Variants in MROH7 observed in about 807,000 individuals in gnomAD.
MROH7 encodes maestro heat like repeat family member 7.
A neutral mutation model predicts 129.2 loss-of-function variants in MROH7; 113 were observed. The observed-to-expected ratio is 0.87, with a 90% CI of 0.75 to 1.02. The LOEUF (loss-of-function observed/expected upper bound fraction) is 1.02. Ranked by LOEUF, MROH7 falls within the 50% of genes least tolerant of loss-of-function variation. The probability of loss-of-function intolerance (pLI) is 0.00; values close to 1 mark genes in which losing one functional copy is unlikely to be tolerated. For missense variants in MROH7, 1,601 were observed against 1,671.3 expected (o/e 0.96, Z 0.73); for synonymous variants, 655 against 667.9 (o/e 0.98, Z 0.30).
intron 12 of MROH7, 27 bp from the exon 13 acceptor site, chr1:54,679,864 C>A: frequency 6.3e-7 from 1 of 1,594,936 alleles, no homozygotes; most frequent in East Asian, 2.2e-5. Flanking sequence ...AGTCCCCTTG[C>A]TCATGGCTGC....
intron 13 of MROH7, among the ~76,000 whole-genome samples, chr1:54,682,331 A>AT (rs985364861): frequency 6.6e-6 from 1 of 151,206 alleles, no homozygotes; most frequent in African/African-American, 2.4e-5. Context: ...TGCCCAGCTA[A>AT]TTTTTTTTGT....
chr1:54,663,964 C>T (rs997992795), intron 3 of MROH7: 1 of 331,010 alleles, frequency 3.0e-6, no homozygotes, highest in Non-Finnish European at 5.9e-6. Context: ...TTTCATAGGC[C>T]CCAGTGACCT....
chr1:54,653,871 T>C lies in MROH7; in HGVS notation c.945T>C (p.His315=). 6.2e-7 allele frequency: 1 copy of C among 1,614,022 alleles called. No individual in the cohort carries two copies. Among genetic ancestry groups the C allele is most frequent in the Non-Finnish European group, 8.5e-7 (1 of 1,179,936 alleles). ...GTATCAGCCTGCACTCCAGCACCCATGAGCCCAACTCCACCATCTCTCCAC... is the reference window on the plus strand; with the variant it reads ...GTATCAGCCTGCACTCCAGCACCCACGAGCCCAACTCCACCATCTCTCCAC... ...SYGISLHSST[H]EPNSTISPPS... is the part of the protein sequence containing the mutation. Residue 315 remains histidine, a synonymous_variant, in exon 3 of 24, where the codon CAT becomes CAC. Coordinates refer to ENST00000421030, the MANE Select transcript of MROH7 (RefSeq NM_001039464.4).
Position 54,653,044 on chromosome 1 carries a change from GAC to G in MROH7, c.120_121del (p.Met41GlyfsTer21), listed in dbSNP as rs1644581825. ...TGGTACCATCCCTCAGCCCCACCCAGACATGGCTCAGGTGCCTATGTTGAATC... is the reference window on the plus strand; with the variant it reads ...TGGTACCATCCCTCAGCCCCACCCAGATGGCTCAGGTGCCTATGTTGAATC... ...GSGTIPQPHP[D>X]MAQVPMLNLL... On this transcript the variant is annotated frameshift_variant, in exon 3 of 24. Transcript: ENST00000421030. LOFTEE classifies it high-confidence loss of function. The G allele has an allele frequency of 6.2e-7, 1 of 1,614,056 alleles. No homozygotes were observed. Among genetic ancestry groups the G allele is most frequent in the African/African-American group, 1.3e-5 (1 of 74,926 alleles).
At position 54,700,429 on chromosome 1, in the gene MROH7, G is replaced by T; in HGVS notation, c.3073G>T (p.Gly1025Cys). 1 of 1,609,012 alleles carries T rather than the reference G, an allele frequency of 6.2e-7. No individual in the cohort carries two copies. The highest frequency in any genetic ancestry group is 1.1e-5 in the South Asian group (1 of 90,228). The part of the protein sequence containing the change: ...DPIMKVLSIR[G>C]LVILARRSEK... ...CATCATGAAGGTGCTGTCCATTCGA[G>T]GCCTGGTCATCCTGGCCCGCAGGTC... Residue 1025 changes from glycine to cysteine, a missense_variant, in exon 18 of 24, where the codon GGC becomes TGC. Transcript: ENST00000421030.
At chr1:54,694,871 T>C (rs1645295843) in intron 16 of MROH7, among the ~76,000 whole-genome samples, 1 of 152,214 alleles carries the variant, frequency 6.6e-6, no homozygotes, top group South Asian at 2.1e-4. Flanking sequence ...GCAGCTGGAA[T>C]GTGAGCCCTC....
chr1:54,706,288 G>T, intron 21 of MROH7, 147 bp from the exon 22 acceptor site: 1 of 644,258 alleles, frequency 1.6e-6, no homozygotes, highest in South Asian at 1.9e-5. Context: ...GAGGAGATAA[G>T]CCCTGGCCTG....
intron 15 of MROH7, among the ~76,000 whole-genome samples, 194 bp downstream of exon 15, chr1:54,686,642 T>C (rs1381606221): frequency 6.6e-6 from 1 of 152,238 alleles, no homozygotes; most frequent in Non-Finnish European, 1.5e-5. Context: ...CTCTGTGCAT[T>C]ACACACTGTG....
At chr1:54,661,832 G>A (rs1644737034) in intron 3 of MROH7, among the ~76,000 whole-genome samples, 1 of 152,094 alleles carries the variant, frequency 6.6e-6, no homozygotes, top group Non-Finnish European at 1.5e-5. Context: ...CTGACCTCAG[G>A]TGACCCACCT....
At chr1:54,683,284 C>T (rs765931430) in intron 14 of MROH7, among the ~76,000 whole-genome samples, 1 of 152,134 alleles carries the variant, frequency 6.6e-6, no homozygotes, top group Admixed American at 6.5e-5. Flanking sequence ...TCTCATATGG[C>T]GGCTGTGAAG....
chr1:54,679,421 C>T lies in MROH7; in HGVS notation c.2208C>T (p.Arg736=). 2.5e-6 allele frequency: 4 copies of T among 1,613,614 alleles called. No individual in the cohort carries two copies. The highest frequency in any genetic ancestry group is 2.5e-6 in the Non-Finnish European group (3 of 1,179,776). ...TCAGCTCGGTGCTGGAGTGGTACCG[C>T]CACAGGGCGCTGGAGGTGGTAAGGC... ...VMLSSVLEWY[R]HRALEVIPEI... Residue 736 remains arginine (R), a synonymous_variant, in exon 12 of 24, where the codon CGC becomes CGT. Transcript: ENST00000421030.
In MROH7 at chr1:54,709,010, C is replaced by G; in HGVS notation, c.3668-4C>G. 6.2e-7 allele frequency: 1 copy of G among 1,614,168 alleles called. No individual in the cohort carries two copies. Among genetic ancestry groups the G allele is most frequent in the Non-Finnish European group, 8.5e-7 (1 of 1,179,994 alleles). ...ATGCCCTCACTTCTTGGATTACGCTCAAGGGTCCCTGGTCCCCTGCATGGA... is the reference window on the plus strand; with the variant it reads ...ATGCCCTCACTTCTTGGATTACGCTGAAGGGTCCCTGGTCCCCTGCATGGA... On this transcript the variant is annotated splice_region_variant and splice_polypyrimidine_tract_variant and intron_variant, in intron 22 of 23. Transcript: ENST00000421030.
intron 13 of MROH7, among the ~76,000 whole-genome samples, chr1:54,680,758 C>T (rs1365983905): frequency 6.6e-6 from 1 of 152,236 alleles, no homozygotes; most frequent in Non-Finnish European, 1.5e-5. Context: ...GAGTGATCCA[C>T]ACCTTCGGGT....
intron 3 of MROH7, among the ~76,000 whole-genome samples, chr1:54,661,540 A>G (rs1325533547): frequency 2.0e-5 from 3 of 151,686 alleles, no homozygotes; most frequent in Admixed American, 6.6e-5. Context: ...TGTGCTTAGA[A>G]CAGTACTGGT....
intron 3 of MROH7, 134 bp downstream of exon 3, chr1:54,654,291 A>G: frequency 2.2e-6 from 2 of 900,614 alleles, no homozygotes; most frequent in Non-Finnish European, 3.3e-6. Context: ...TTAATTCTAT[A>G]CTAGACATCT....
chr1:54,709,163 T>G, intron 23 of MROH7, 87 bp downstream of exon 23: 5 of 1,262,174 alleles, frequency 4.0e-6, no homozygotes, highest in Non-Finnish European at 5.8e-6. Context: ...AGGGAAGGGA[T>G]GTGTCCCAAG....
chr1:54,679,404 G>A lies in MROH7; in HGVS notation c.2191G>A (p.Val731Met). ...QLASEVMLSS[V>M]LEWYRHRALE... Reference sequence around the variant, plus strand: ...GGCCTCGGAGGTCATGCTCAGCTCGGTGCTGGAGTGGTACCGCCACAGGGC... The same window carrying A: ...GGCCTCGGAGGTCATGCTCAGCTCGATGCTGGAGTGGTACCGCCACAGGGC... Residue 731 changes from valine (V) to methionine (M), a missense_variant, in exon 12 of 24, where the codon GTG becomes ATG. Transcript: ENST00000421030. The A allele has an allele frequency of 6.2e-7, 1 of 1,613,990 alleles. No individual in the cohort carries two copies. Among genetic ancestry groups the A allele is most frequent in the African/African-American group, 1.3e-5 (1 of 75,066 alleles).
At chr1:54,682,939 G>C in intron 14 of MROH7, 145 bp downstream of exon 14, 2 of 876,886 alleles carry the variant, frequency 2.3e-6, no homozygotes, top group South Asian at 3.6e-5. Context: ...CTCTGGCTCT[G>C]GCTCTTGTCT....
At chr1:54,673,887 T>G in intron 9 of MROH7, 82 bp downstream of exon 9, 1 of 1,520,892 alleles carries the variant, frequency 6.6e-7, no homozygotes, top group South Asian at 1.1e-5. Context: ...GTTCAGGGAT[T>G]CCCAGGTGGC....
Sources: gnomAD v4.1 joint callset for allele counts (sites outside exome capture counted in the v4.1 genomes callset) on GRCh38, gnomAD v4.1.1 for gene constraint, MANE v1.5 for transcripts, NCBI Gene and HGNC (gene_info 2026-07-23, HGNC 2026-07-21) for gene names.